LIN54: variants seen among roughly 807,000 people sequenced by gnomAD.
LIN54 encodes lin-54 DREAM MuvB core complex component, also known as protein lin-54 homolog.
In LIN54, 9 loss-of-function variants were observed where a neutral mutation model predicts 78.7. That is an observed-to-expected ratio of 0.11 (90% CI 0.07 to 0.20). The LOEUF (loss-of-function observed/expected upper bound fraction) is 0.20. LIN54 is among the 10% of genes least tolerant of loss of function. The pLI is 1.00. For synonymous variants in LIN54, 269 were observed against 318.4 expected, an observed-to-expected ratio of 0.84 and a Z score of 1.65; for missense variants, 573 against 889.9, an observed-to-expected ratio of 0.64 and a Z score of 4.53.
chr4:82,968,720 A>G (rs971434715), intron 4 of LIN54, among the ~76,000 whole-genome samples: 2 of 152,180 alleles, frequency 1.3e-5, no homozygotes, highest in Non-Finnish European at 2.9e-5. Context: ...TACTAACTGC[A>G]GCCAAGGTTG....
intron 5 of LIN54, among the ~76,000 whole-genome samples, chr4:82,942,493 G>C (rs1578505731): frequency 6.6e-6 from 1 of 152,182 alleles, no homozygotes; most frequent in East Asian, 1.9e-4. Context: ...CTGATACCCA[G>C]TTTGAAGTTG....
rs34511957 is a variant in LIN54 at position 82,947,235 on chromosome 4, A to ATTTTTTTTTTTT, written c.952-773_952-762dup. ...TATATATATATATATATATATATAT[A>ATTTTTTTTTTTT]TTTTTTTTTTTTTTGAAGACAGGGT... On this transcript the variant is annotated intron_variant, in intron 4 of 12. Transcript: ENST00000340417. Among the ~76,000 whole-genome samples the ATTTTTTTTTTTT allele has an allele frequency of 2.0e-3, 87 of 44,280 alleles. 4 individuals are homozygous for ATTTTTTTTTTTT. The highest frequency in any genetic ancestry group is 4.7e-3 in the African/African-American group (47 of 10,018). 29.0% of individuals were successfully genotyped at this position (44,280 alleles called of 152,430 possible).
chr4:82,992,167 G>A (rs912273106), intron 1 of LIN54, among the ~76,000 whole-genome samples: 18 of 152,198 alleles, frequency 1.2e-4, no homozygotes, highest in Admixed American at 6.5e-4. Flanking sequence ...CTTTCTTCCC[G>A]AGTAACCTGG....
chr4:82,937,492 T>C (rs1209200555), intron 8 of LIN54, among the ~76,000 whole-genome samples, 194 bp from the exon 9 acceptor site: 7 of 152,172 alleles, frequency 4.6e-5, no homozygotes, highest in Admixed American at 1.3e-4. Flanking sequence ...AAATAAAAAG[T>C]TTGCTACGTT....
At chr4:82,970,304 T>C in intron 4 of LIN54, 23 bp downstream of exon 4, 2 of 1,601,250 alleles carry the variant, frequency 1.2e-6, no homozygotes, top group Admixed American at 1.7e-5. Flanking sequence ...TATTTGGTAT[T>C]TGTGGCTAAT....
At chr4:82,947,571 T>C (rs1324562152) in intron 4 of LIN54, among the ~76,000 whole-genome samples, 1 of 152,068 alleles carries the variant, frequency 6.6e-6, no homozygotes, top group Admixed American at 6.6e-5. Flanking sequence ...ATTAAAATGA[T>C]TTAATTATTT....
chr4:82,930,043 G>A (rs777133060), intron 12 of LIN54, among the ~76,000 whole-genome samples: 2 of 151,784 alleles, frequency 1.3e-5, no homozygotes, highest in African/African-American at 2.4e-5. Context: ...GATTACAGGC[G>A]CACACCACCA....
At position 82,939,677 on chromosome 4, in the gene LIN54, T is replaced by C. The variant is rs1460704168; in HGVS notation, c.1302A>G (p.Gln434=). The part of the protein sequence containing the change: ...SQIVTTSQPQ[Q]RLIMPATPLP... ...GTGGTGTGGCAGGCATGATAAGCCG[T>C]TGCTGTGGCTGGCTAGTAGTTACTA... The change falls in exon 7 of 13, where the codon CAA becomes CAG. Residue 434 remains glutamine (Q), a synonymous_variant. Transcript: ENST00000340417. 1.5e-5 allele frequency: 25 copies of C among 1,614,086 alleles called. No homozygotes were observed. The highest frequency in any genetic ancestry group is 2.1e-5 in the Non-Finnish European group (25 of 1,179,910).
chr4:82,981,349 A>G (rs1560770355), intron 2 of LIN54, among the ~76,000 whole-genome samples: 1 of 152,158 alleles, frequency 6.6e-6, no homozygotes, highest in Non-Finnish European at 1.5e-5. Flanking sequence ...TACCTCTGTT[A>G]CTGCCTCTGG....
Position 82,984,471 on chromosome 4 carries a change from T to A in LIN54, c.374A>T (p.Asp125Val). ...IILNKVSQTS[D>V]LKLGNQTLKP... ...AAGGGTCTGATTGCCAAGTTTAAGA[T>A]CAGATGTCTGTGATACTTTGTTTAA... Residue 125 changes from aspartate (D) to valine (V), a missense_variant, in exon 2 of 13, where the codon GAT (aspartate) becomes GTT (valine). This residue lies in a region of LIN54 where 183 missense variants were observed against 228.4 expected (regional missense o/e 0.80). Transcript: ENST00000340417. The A allele has an allele frequency of 6.2e-7, 1 of 1,614,222 alleles. No homozygotes were observed. Among genetic ancestry groups the A allele is most frequent in the Non-Finnish European group, 8.5e-7 (1 of 1,180,042 alleles).
At chr4:82,958,688 G>T (rs1374763833) in intron 4 of LIN54, among the ~76,000 whole-genome samples, 2 of 151,930 alleles carry the variant, frequency 1.3e-5, no homozygotes. Context: ...ATTTATTTTT[G>T]ATTTATTTAT....
At chr4:83,011,593 T>TA (rs34986040), upstream of LIN54, among the ~76,000 whole-genome samples, 44,806 of 150,766 alleles carry the variant, frequency 0.3, 7,198 homozygotes, top group East Asian at 0.5. Flanking sequence ...GTCATCAAAT[T>TA]AAAAAAAAAC....
At chr4:82,965,942 C>A (rs1725168441) in intron 4 of LIN54, among the ~76,000 whole-genome samples, 2 of 152,220 alleles carry the variant, frequency 1.3e-5, no homozygotes, top group South Asian at 2.1e-4. Context: ...TAGTCATTTT[C>A]GTAATTGACT....
chr4:83,000,306 A>G (rs1383647017), intron 1 of LIN54, among the ~76,000 whole-genome samples: 1 of 152,210 alleles, frequency 6.6e-6, no homozygotes, highest in Admixed American at 6.5e-5. Context: ...GCATGAAGGG[A>G]TAGGCCAACT....
intron 4 of LIN54, among the ~76,000 whole-genome samples, chr4:82,953,700 A>T (rs1210887266): frequency 1.3e-5 from 2 of 152,220 alleles, no homozygotes; most frequent in Admixed American, 1.3e-4. Context: ...CTGTAATCCC[A>T]GCAATGTGAG....
At chr4:83,000,532 G>A (rs1187520415) in intron 1 of LIN54, among the ~76,000 whole-genome samples, 1 of 152,132 alleles carries the variant, frequency 6.6e-6, no homozygotes, top group African/African-American at 2.4e-5. Flanking sequence ...GTAAGGAACT[G>A]CCTTTTAAAA....
chr4:82,948,135 C>T (rs1054314133), intron 4 of LIN54, among the ~76,000 whole-genome samples: 1 of 151,958 alleles, frequency 6.6e-6, no homozygotes, highest in Non-Finnish European at 1.5e-5. Flanking sequence ...AATCAAGCAA[C>T]CTACGAGACA....
In LIN54 at chr4:82,925,956, CAA is replaced by C. The variant is rs1477951828; in HGVS notation, c.*2144_*2145del. On this transcript the variant is annotated 3_prime_UTR_variant, in exon 13 of 13. Transcript: ENST00000340417. Reference sequence around the variant, plus strand: ...GCAATTTGATGCAAATGCCTGAATACAAAAAGTTATTTAGTAAGTACTACACA... The same window carrying C: ...GCAATTTGATGCAAATGCCTGAATACAAAGTTATTTAGTAAGTACTACACA... 6.6e-6 allele frequency: 1 copy of C among 152,478 alleles called. No individual in the cohort carries two copies. The highest frequency in any genetic ancestry group is 1.5e-5 in the Non-Finnish European group (1 of 67,976). The allele number at this position is 152,478 out of a possible 1,614,324, so 9.4% of individuals were successfully genotyped here.
chr4:82,960,570 A>T (rs934540832), intron 4 of LIN54, among the ~76,000 whole-genome samples: 1 of 151,922 alleles, frequency 6.6e-6, no homozygotes, highest in Admixed American at 6.6e-5. Context: ...AGTAGCTAGG[A>T]CTACAGGCCC....
Sources: allele counts gnomAD v4.1 joint callset (sites outside exome capture counted in the v4.1 genomes callset), GRCh38; gene constraint gnomAD v4.1.1; regional missense constraint gnomAD v4.1.1; transcripts MANE v1.5; gene names NCBI Gene and HGNC (gene_info 2026-07-23, HGNC 2026-07-21).